SGCD: variants seen among roughly 807,000 people sequenced by gnomAD.
SGCD encodes sarcoglycan delta, also known as delta-sarcoglycan.
In SGCD, 18 loss-of-function variants were observed where a neutral mutation model predicts 36.6. The observed-to-expected ratio is 0.49, with a 90% CI of 0.34 to 0.73. The LOEUF is 0.73. SGCD is among the 30% of genes least tolerant of loss of function. The pLI is 0.01. For missense variants in SGCD, 387 were observed against 346.7 expected (o/e 1.12, Z -0.92); for synonymous variants, 133 against 130.6 (o/e 1.02, Z -0.12).
At chr5:156,485,905 C>A (rs890616642) in intron 3 of SGCD, among the ~76,000 whole-genome samples, 6 of 152,034 alleles carry the variant, frequency 3.9e-5, no homozygotes, top group African/African-American at 1.4e-4. Context: ...GTGAGAGATC[C>A]CCAGCAGTTC....
At chr5:156,278,195 T>C (rs1766368094) in intron 3 of SGCD, among the ~76,000 whole-genome samples, 1 of 152,138 alleles carries the variant, frequency 6.6e-6, no homozygotes, top group Non-Finnish European at 1.5e-5. Context: ...TGGTATATAG[T>C]GAGCAAGAAA....
chr5:156,708,719 G>A (rs1754850478), intron 7 of SGCD, among the ~76,000 whole-genome samples: 1 of 152,118 alleles, frequency 6.6e-6, no homozygotes, highest in Non-Finnish European at 1.5e-5. Context: ...CTATTTTGAA[G>A]GAGGGAATGT....
intron 1 of SGCD, among the ~76,000 whole-genome samples, chr5:155,927,540 G>C (rs765486332): frequency 6.6e-6 from 1 of 152,082 alleles, no homozygotes; most frequent in Admixed American, 6.5e-5. Context: ...GCATGCTATC[G>C]AAAAATGGGG....
intron 2 of SGCD, among the ~76,000 whole-genome samples, chr5:156,340,626 C>T (rs767239744): frequency 6.6e-5 from 10 of 152,166 alleles, no homozygotes; most frequent in Admixed American, 2.0e-4. Flanking sequence ...TAGGGTTTAG[C>T]GAGTTGCAGT....
At chr5:156,652,401 A>G (rs1763495773) in intron 7 of SGCD, among the ~76,000 whole-genome samples, 1 of 152,100 alleles carries the variant, frequency 6.6e-6, no homozygotes, top group Non-Finnish European at 1.5e-5. Flanking sequence ...AGGCATGAGG[A>G]TGGCTTGAGC....
intron 3 of SGCD, among the ~76,000 whole-genome samples, chr5:156,470,450 G>A (rs995094028): frequency 4.6e-5 from 7 of 151,956 alleles, no homozygotes; most frequent in East Asian, 1.9e-4. Context: ...CCACTAACTC[G>A]TCATTTAGCA....
chr5:156,493,934 C>G (rs1756058589), intron 3 of SGCD, among the ~76,000 whole-genome samples: 1 of 152,134 alleles, frequency 6.6e-6, no homozygotes, highest in Non-Finnish European at 1.5e-5. Flanking sequence ...ATCCCACATC[C>G]TCTTGACACT....
At chr5:156,057,767 AAATAT>A (rs1760097719) in intron 1 of SGCD, among the ~76,000 whole-genome samples, 1 of 146,280 alleles carries the variant, frequency 6.8e-6, no homozygotes, top group Admixed American at 6.8e-5. Flanking sequence ...GGGCACTAAC[AAATAT>A]AATGGCCATA....
chr5:156,744,257 G>A (rs2113104548), intron 7 of SGCD, among the ~76,000 whole-genome samples: 1 of 152,180 alleles, frequency 6.6e-6, no homozygotes, highest in East Asian at 1.9e-4. Context: ...GAGTTAGCAT[G>A]GCTGCATGAG....
At chr5:156,326,336 T>C (rs1005526408), upstream of SGCD, among the ~76,000 whole-genome samples, 5 of 152,342 alleles carry the variant, frequency 3.3e-5, no homozygotes, top group Admixed American at 1.3e-4. Flanking sequence ...CGCATTCTGA[T>C]TCAAAGTACA....
At chr5:156,254,674 C>T (rs1320460708) in intron 3 of SGCD, among the ~76,000 whole-genome samples, 2 of 152,016 alleles carry the variant, frequency 1.3e-5, no homozygotes, top group African/African-American at 2.4e-5. Context: ...CATAGCGAGA[C>T]TCCATCTCTA....
chr5:155,734,071 ATATTAT>A, the SGCD span, among the ~76,000 whole-genome samples: 2 of 147,060 alleles, frequency 1.4e-5, no homozygotes, highest in Non-Finnish European at 3.0e-5. Flanking sequence ...TTTATTTATT[ATATTAT>A]TATTATATAA....
chr5:155,792,770 G>A, the SGCD span, among the ~76,000 whole-genome samples: 46 of 152,306 alleles, frequency 3.0e-4, no homozygotes, highest in African/African-American at 9.1e-4. Flanking sequence ...TGATGAGGCT[G>A]TGGAGAAAAG....
chr5:156,383,443 A>G (rs567703352), intron 3 of SGCD, among the ~76,000 whole-genome samples: 1 of 152,212 alleles, frequency 6.6e-6, no homozygotes, highest in East Asian at 1.9e-4. Context: ...GGCGGAGGTT[A>G]CAGTGGGCCA....
the SGCD span, among the ~76,000 whole-genome samples, chr5:155,807,264 C>T: frequency 2.0e-5 from 3 of 152,184 alleles, no homozygotes; most frequent in African/African-American, 7.2e-5. Flanking sequence ...GAAAGTGAAC[C>T]AGGTACTGTC....
At position 155,920,277 on chromosome 5, in the gene SGCD, T is replaced by C. The variant is rs553947315; in HGVS notation, c.-282+49853T>C. Among the ~76,000 whole-genome samples the C allele has an allele frequency of 2.0e-5, 3 of 152,286 alleles. No individual in the cohort carries two copies. In the East Asian group the frequency reaches 5.8e-4, roughly 29 times the overall value. On this transcript the variant is annotated intron_variant, in intron 1 of 9. Coordinates refer to the SGCD transcript ENST00000517913. ...GCTATTTAGGAAGTAGAATTGACAATACTTATTGAGTAGACTGTGGGGAAG... is the reference window on the plus strand; with the variant it reads ...GCTATTTAGGAAGTAGAATTGACAACACTTATTGAGTAGACTGTGGGGAAG...
chr5:156,104,972 G>T (rs1183972914), intron 1 of SGCD, among the ~76,000 whole-genome samples: 1 of 152,022 alleles, frequency 6.6e-6, no homozygotes, highest in Non-Finnish European at 1.5e-5. Flanking sequence ...ACAGGAAGGG[G>T]AACATCACAC....
intron 7 of SGCD, among the ~76,000 whole-genome samples, chr5:156,695,498 TA>T (rs1754276544): frequency 1.8e-5 from 2 of 113,294 alleles, no homozygotes; most frequent in East Asian, 3.1e-4. Flanking sequence ...GATAGATAGA[TA>T]GATAGATAGA....
At chr5:156,235,749 G>T (rs1198120109) in intron 3 of SGCD, among the ~76,000 whole-genome samples, 1 of 152,190 alleles carries the variant, frequency 6.6e-6, no homozygotes, top group Middle Eastern at 3.2e-3. Context: ...AGCTGGATGT[G>T]TGTCAATTAA....
Sources: gnomAD v4.1 joint callset for allele counts (sites outside exome capture counted in the v4.1 genomes callset) on GRCh38, gnomAD v4.1.1 for gene constraint, MANE v1.5 for transcripts, NCBI Gene and HGNC (gene_info 2026-07-23, HGNC 2026-07-21) for gene names.